GATA4: variants seen among roughly 807,000 people sequenced by gnomAD.
GATA4 encodes the protein GATA binding protein 4.
Under a neutral mutation model 37.9 loss-of-function variants are expected in GATA4, and 7 were observed. The ratio of observed to expected loss-of-function variants is 0.18; its 90% confidence interval spans 0.11 to 0.35. GATA4 has a LOEUF of 0.35. Ranked by LOEUF, GATA4 falls within the 10% of genes least tolerant of loss-of-function variation. The pLI, the probability that GATA4 is intolerant of heterozygous loss-of-function variation, is 1.00. For missense variants in GATA4, 647 were observed against 653.0 expected, an observed-to-expected ratio of 0.99 and a Z score of 0.10; for synonymous variants, 372 against 292.6, an observed-to-expected ratio of 1.27 and a Z score of -2.77.
At chr8:11,738,961 G>A (rs905943974) in intron 2 of GATA4, among the ~76,000 whole-genome samples, 6 of 152,230 alleles carry the variant, frequency 3.9e-5, no homozygotes, top group African/African-American at 1.2e-4. Flanking sequence ...ACTGTACCCC[G>A]AAGGGAGGGC....
chr8:11,743,074 C>A (rs1473703395), intron 2 of GATA4, among the ~76,000 whole-genome samples: 1 of 152,234 alleles, frequency 6.6e-6, no homozygotes, highest in South Asian at 2.1e-4. Flanking sequence ...GGCACGGGCC[C>A]TTTCCACTGT....
At position 11,756,963 on chromosome 8, in the gene GATA4, C is replaced by T. The variant is rs368098911; in HGVS notation, c.1029C>T (p.Pro343=). The stretch of plus-strand genomic sequence containing the variant: ...CTTCAGGCAGTGAGAGCCTTCCTCC[C>T]GCCAGCGGTGCTTCCAGCAACTCCA... ...AAPSGSESLP[P]ASGASSNSSN... Residue 343 remains proline (P), a synonymous_variant, in exon 6 of 7, where the codon CCC becomes CCT. Transcript: ENST00000532059. The T allele has an allele frequency of 4.9e-5, 79 of 1,614,254 alleles. No homozygotes were observed. The African/African-American group carries it at 6.0e-4, about 12-fold the overall frequency.
chr8:11,726,028 A>G (rs560694310), intron 2 of GATA4, among the ~76,000 whole-genome samples: 4 of 152,342 alleles, frequency 2.6e-5, no homozygotes, highest in African/African-American at 9.6e-5. Flanking sequence ...CTAGCCTGGA[A>G]GTATTTTCAG....
intron 1 of GATA4, chr8:11,697,518 G>A (rs1261881311): frequency 2.0e-6 from 2 of 980,904 alleles, no homozygotes; most frequent in African/African-American, 1.8e-5. Flanking sequence ...CTGCAGTTGG[G>A]GAGGGAGAGG....
chr8:11,680,356 C>A, intron 1 of GATA4: 1 of 445,686 alleles, frequency 2.2e-6, no homozygotes. Context: ...CGGGGAATCT[C>A]TGCAAGTAAC....
chr8:11,697,476 C>T (rs1362211600), intron 1 of GATA4: 1 of 854,252 alleles, frequency 1.2e-6, no homozygotes, highest in Non-Finnish European at 1.4e-6. Flanking sequence ...AAGCGGTGTT[C>T]GGAGGGGAGC....
At chr8:11,743,757 A>G (rs1356671988) in intron 2 of GATA4, among the ~76,000 whole-genome samples, 1 of 152,154 alleles carries the variant, frequency 6.6e-6, no homozygotes, top group African/African-American at 2.4e-5. Context: ...CAGGGGTGGG[A>G]TGTTTCAACC....
chr8:11,691,941 C>T (rs897601307), upstream of GATA4: 3 of 886,318 alleles, frequency 3.4e-6, no homozygotes, highest in African/African-American at 5.4e-5. Flanking sequence ...AAAACCACTT[C>T]AGACCATAAA....
At chr8:11,711,654 C>T (rs545024679) in intron 2 of GATA4, among the ~76,000 whole-genome samples, 1 of 147,976 alleles carries the variant, frequency 6.8e-6, no homozygotes, top group South Asian at 2.2e-4. Flanking sequence ...GGGTGGCATG[C>T]CTGTAGTCCC....
At chr8:11,755,406 G>A (rs868251184) in intron 5 of GATA4, among the ~76,000 whole-genome samples, 10 of 152,196 alleles carry the variant, frequency 6.6e-5, no homozygotes, top group African/African-American at 2.4e-4. Flanking sequence ...TGGACCAGCC[G>A]AGGTCCTGCA....
chr8:11,680,972 T>C, intron 1 of GATA4: 1 of 979,786 alleles, frequency 1.0e-6, no homozygotes, highest in Non-Finnish European at 1.2e-6. Flanking sequence ...GCTGCTGGTA[T>C]CTCAATATCC....
rs1429924973 is a variant in GATA4, at chr8:11,708,971, A to G, written c.616+43A>G. Reference sequence around the variant, plus strand: ...GGCTGGGGCGCGTGAGGGCCGGGGCAGGGGCCGTCTTGAGCCCTGTCGAGG... The same window carrying G: ...GGCTGGGGCGCGTGAGGGCCGGGGCGGGGGCCGTCTTGAGCCCTGTCGAGG... On this transcript the variant is annotated intron_variant, in intron 2 of 6. Coordinates refer to ENST00000532059, the MANE Select transcript of GATA4 (RefSeq NM_001308093.3). This position sits in a 1 kb window ranked among gnomAD's most constrained non-coding sequence, Gnocchi z 6.7. 1 of 1,505,178 alleles carries G rather than the reference A, an allele frequency of 6.6e-7. No individual in the cohort carries two copies. Among genetic ancestry groups the G allele is most frequent in the Admixed American group, 2.1e-5 (1 of 46,666 alleles). 93.2% of individuals were successfully genotyped at this position (1,505,178 alleles called of 1,614,324 possible).
upstream of GATA4, among the ~76,000 whole-genome samples, chr8:11,692,286 C>A (rs1157126100): frequency 1.3e-5 from 2 of 152,226 alleles, no homozygotes; most frequent in Non-Finnish European, 2.9e-5. Flanking sequence ...CACACCTTTT[C>A]AAGCACAGCA....
chr8:11,712,145 A>G (rs1800211928), intron 2 of GATA4, among the ~76,000 whole-genome samples: 1 of 152,264 alleles, frequency 6.6e-6, no homozygotes. Flanking sequence ...ATTTGGCTTT[A>G]GCCCTTCATA....
At chr8:11,743,704 C>T (rs1027547240) in intron 2 of GATA4, among the ~76,000 whole-genome samples, 8 of 152,158 alleles carry the variant, frequency 5.3e-5, no homozygotes, top group South Asian at 2.1e-4. Context: ...GAGGAGAGGT[C>T]GGTGTCTTTG....
At chr8:11,681,689 C>G (rs552061152) in intron 1 of GATA4, among the ~76,000 whole-genome samples, 64 of 152,300 alleles carry the variant, frequency 4.2e-4, no homozygotes, top group African/African-American at 1.4e-3. Flanking sequence ...TCATTTCTCT[C>G]TTTTTCCTTA....
chr8:11,678,001 G>A (rs1798836151), intron 1 of GATA4, among the ~76,000 whole-genome samples: 1 of 144,190 alleles, frequency 6.9e-6, no homozygotes. Context: ...GCTGAGAAAA[G>A]GGCTGAGTCA....
intron 2 of GATA4, among the ~76,000 whole-genome samples, chr8:11,735,569 C>G (rs1056314567): frequency 2.8e-5 from 4 of 142,002 alleles, no homozygotes; most frequent in African/African-American, 6.1e-5. Context: ...TTCTTTCTTT[C>G]TTTCTTTTTT....
chr8:11,729,753 C>G (rs762904461), intron 2 of GATA4, among the ~76,000 whole-genome samples: 2 of 152,080 alleles, frequency 1.3e-5, no homozygotes, highest in Admixed American at 1.3e-4. Context: ...AGTCCGCTGC[C>G]TTGTGAATTT....
Sources: gnomAD v4.1 joint callset for allele counts (sites outside exome capture counted in the v4.1 genomes callset) on GRCh38, gnomAD v4.1.1 for gene constraint, Gnocchi (gnomAD v3.1) non-coding constraint, MANE v1.5 for transcripts, NCBI Gene and HGNC (gene_info 2026-07-23, HGNC 2026-07-21) for gene names.